The following EIF3B variants were observed in gnomAD, a reference collection of about 807,000 sequenced individuals.
EIF3B encodes the protein eukaryotic translation initiation factor 3 subunit B.
A neutral mutation model predicts 104.6 loss-of-function variants in EIF3B; 10 were observed. The ratio of observed to expected loss-of-function variants is 0.10; its 90% CI spans 0.06 to 0.16. The LOEUF (loss-of-function observed/expected upper bound fraction) is 0.16, where lower values mean the gene tolerates loss of function less well. Among genes scored for constraint, EIF3B ranks in the 10% least tolerant of loss-of-function variants. EIF3B has a pLI of 1.00. For synonymous variants in EIF3B, 542 were observed against 417.2 expected (o/e 1.30, Z -3.65); for missense variants, 1,014 against 1,087.9 (o/e 0.93, Z 0.96).
chr7:2,357,225 G>A (rs1389413059), intron 1 of EIF3B, among the ~76,000 whole-genome samples: 1 of 152,192 alleles, frequency 6.6e-6, no homozygotes, highest in Admixed American at 6.5e-5. Context: ...ATGCTAATAT[G>A]ACGACAGGGT....
intron 11 of EIF3B, chr7:2,372,077 C>T (rs529756615): frequency 6.4e-5 from 32 of 499,244 alleles, no homozygotes; most frequent in Middle Eastern, 5.6e-4. Context: ...TGTGGTGGTG[C>T]GCACCGATAG....
Position 2,360,737 on chromosome 7 carries a change from G to T in EIF3B, c.527G>T (p.Arg176Leu). The T allele has an allele frequency of 6.3e-7, 1 of 1,589,772 alleles. No individual in the cohort carries two copies. The highest frequency in any genetic ancestry group is 1.1e-5 in the South Asian group (1 of 89,622). ...TTACTGGGAGATGTACTCAAAGATC[G>T]GCCCCAGGAAGCAGATGGAATCGAT... ...EELLGDVLKDRPQEADGIDSV... is the reference protein window; with the variant it reads ...EELLGDVLKDLPQEADGIDSV... Residue 176 changes from arginine (R) to leucine (L), a missense_variant, in exon 2 of 19, where the codon CGG becomes CTG. Transcript: ENST00000360876.
At chr7:2,374,351 G>A (rs1418983958) in intron 12 of EIF3B, 177 bp from the exon 13 acceptor site, 13 of 569,590 alleles carry the variant, frequency 2.3e-5, no homozygotes, top group Non-Finnish European at 4.1e-5. Context: ...TTAAAGTATG[G>A]ATCATGACTT....
intron 9 of EIF3B, among the ~76,000 whole-genome samples, chr7:2,367,824 A>ATTTTTT (rs1562484073): frequency 2.1e-4 from 21 of 101,736 alleles, no homozygotes; most frequent in African/African-American, 7.8e-4. Context: ...CTTTTTTTAA[A>ATTTTTT]ATTTTTTTTT....
At chr7:2,363,862 T>A (rs1779870583) in intron 5 of EIF3B, 102 bp downstream of exon 5, 1 of 1,353,822 alleles carries the variant, frequency 7.4e-7, no homozygotes, top group Non-Finnish European at 9.9e-7. Flanking sequence ...GCAGGTGACG[T>A]TATATTTTCT....
At chr7:2,368,720 G>T (rs1203312793) in intron 9 of EIF3B, among the ~76,000 whole-genome samples, 2 of 152,258 alleles carry the variant, frequency 1.3e-5, no homozygotes, top group African/African-American at 4.8e-5. Flanking sequence ...TTCCATCCGA[G>T]GCAGGGTTTG....
intron 2 of EIF3B, among the ~76,000 whole-genome samples, chr7:2,361,228 G>T (rs560065633): frequency 6.6e-6 from 1 of 152,280 alleles, no homozygotes; most frequent in East Asian, 1.9e-4. Context: ...CTGTACTCCA[G>T]TCTGGGTGAC....
chr7:2,380,303 G>T lies in EIF3B; in HGVS notation c.*114G>T, dbSNP rs773038415. 1.9e-6 allele frequency: 1 copy of T among 515,934 alleles called. No homozygotes were observed. The highest frequency in any genetic ancestry group is 5.5e-5 in the East Asian group (1 of 18,260). The allele number at this position is 515,934 out of a possible 1,614,324, so 32.0% of individuals were successfully genotyped here. ...GCGCAGCCGTGTGTGCTGTGGAGCCGAGGCCGTCCTGCAGGAAGCCGCGTG... is the reference window on the plus strand; with the variant it reads ...GCGCAGCCGTGTGTGCTGTGGAGCCTAGGCCGTCCTGCAGGAAGCCGCGTG... On this transcript the variant is annotated 3_prime_UTR_variant, in exon 19 of 19. Coordinates refer to ENST00000360876, the MANE Select transcript of EIF3B (RefSeq NM_001037283.2).
At chr7:2,374,346 G>T in intron 12 of EIF3B, 182 bp from the exon 13 acceptor site, 1 of 542,562 alleles carries the variant, frequency 1.8e-6, no homozygotes, top group Non-Finnish European at 3.3e-6. Context: ...CCCATTTAAA[G>T]TATGGATCAT....
Position 2,354,842 on chromosome 7 carries a change from C to T in EIF3B, c.-80C>T. The T allele has an allele frequency of 3.8e-6, 4 of 1,049,968 alleles. No individual in the cohort carries two copies. Among genetic ancestry groups the T allele is most frequent in the African/African-American group, 3.4e-5 (2 of 58,548 alleles). The allele number at this position is 1,049,968 out of a possible 1,614,324, so 65.0% of individuals were successfully genotyped here. On this transcript the variant is annotated 5_prime_UTR_variant, in exon 1 of 19. Coordinates refer to ENST00000360876, the MANE Select transcript of EIF3B (RefSeq NM_001037283.2). ...TCGCACGCACATGGCTGGGCTGTAG[C>T]CGTCGCGGCGCGCGGTGCGGCCTGG...
chr7:2,369,605 G>C lies in EIF3B; in HGVS notation c.1537G>C (p.Val513Leu). Residue 513 changes from valine to leucine, a missense_variant, in exon 10 of 19, where the codon GTG (valine) becomes CTG (leucine). Physicochemically the swap from Val to Leu is conservative, Grantham distance 32 (BLOSUM62 1). Transcript: ENST00000360876. ...EIRVRNLFNV[V>L]DCKLHWQKNG... is the part of the protein sequence containing the mutation. Reference sequence around the variant, plus strand: ...CCGAGTGAGGAACCTGTTCAATGTGGTGGACTGCAAGCTCCATTGGCAGAA... The same window carrying C: ...CCGAGTGAGGAACCTGTTCAATGTGCTGGACTGCAAGCTCCATTGGCAGAA... 4 of 1,614,056 alleles carry C rather than the reference G, an allele frequency of 2.5e-6. No individual in the cohort carries two copies. Among genetic ancestry groups the C allele is most frequent in the Non-Finnish European group, 2.5e-6 (3 of 1,180,018 alleles).
Position 2,377,058 on chromosome 7 carries a change from A to G in EIF3B, c.2137A>G (p.Ser713Gly). Residue 713 changes from serine to glycine, a missense_variant, in exon 15 of 19, where the codon AGC (serine) becomes GGC (glycine). By Grantham distance (56) the Ser-to-Gly change is moderately conservative. This residue lies in a region of EIF3B where 266 missense variants were observed against 324.0 expected (regional missense o/e 0.82). Coordinates refer to ENST00000360876, the MANE Select transcript of EIF3B (RefSeq NM_001037283.2). Reference sequence around the variant, plus strand: ...GCGGCCCCGGCCTCCCACACTCCTGAGCCAGGAACAGATCAAGGTCAGCAT... The same window carrying G: ...GCGGCCCCGGCCTCCCACACTCCTGGGCCAGGAACAGATCAAGGTCAGCAT... ...LWRPRPPTLL[S>G]QEQIKQIKKD... The G allele has an allele frequency of 6.2e-7, 1 of 1,612,312 alleles. No individual in the cohort carries two copies. The highest frequency in any genetic ancestry group is 1.1e-5 in the South Asian group (1 of 91,020).
chr7:2,369,173 G>T (rs1187909318), intron 9 of EIF3B, among the ~76,000 whole-genome samples: 3 of 152,206 alleles, frequency 2.0e-5, no homozygotes, highest in African/African-American at 7.2e-5. Flanking sequence ...TGTCTTAAGA[G>T]TGGGCTGACG....
intron 1 of EIF3B, among the ~76,000 whole-genome samples, chr7:2,355,720 G>A (rs1779384865): frequency 1.3e-5 from 2 of 152,188 alleles, no homozygotes; most frequent in Non-Finnish European, 2.9e-5. Flanking sequence ...GGGGTACTCC[G>A]TTATGGCTGG....
intron 9 of EIF3B, among the ~76,000 whole-genome samples, chr7:2,368,953 A>G (rs914896128): frequency 6.6e-6 from 1 of 152,232 alleles, no homozygotes; most frequent in African/African-American, 2.4e-5. Flanking sequence ...GTGTATAAAG[A>G]TGTTTTTCAT....
At chr7:2,372,842 G>T (rs1035707388) in intron 12 of EIF3B, 47 bp downstream of exon 12, 1 of 1,596,106 alleles carries the variant, frequency 6.3e-7, no homozygotes, top group Admixed American at 1.7e-5. Context: ...CAGCACAGAT[G>T]ATGACCCAGT....
In EIF3B at chr7:2,354,894, A is replaced by T; in HGVS notation, c.-28A>T. On this transcript the variant is annotated 5_prime_UTR_variant, in exon 1 of 19. Transcript: ENST00000360876. ...AGAGTCGGAAGCGCGGCGGCCGCGGAGCCCTGCGAGTAGGCAGCGTTGGGC... is the reference window on the plus strand; with the variant it reads ...AGAGTCGGAAGCGCGGCGGCCGCGGTGCCCTGCGAGTAGGCAGCGTTGGGC... 8.5e-7 allele frequency: 1 copy of T among 1,169,988 alleles called. No homozygotes were observed. The highest frequency in any genetic ancestry group is 4.7e-5 in the Admixed American group (1 of 21,368). 72.5% of individuals were successfully genotyped at this position (1,169,988 alleles called of 1,614,324 possible).
Position 2,363,097 on chromosome 7 carries a change from T to C in EIF3B, c.840T>C (p.Asp280=). ...ATATGACGATCAGTGACGAGTGGGATATTCCAGAGAAACAGCCTTTCAAAG... is the reference window on the plus strand; with the variant it reads ...ATATGACGATCAGTGACGAGTGGGACATTCCAGAGAAACAGCCTTTCAAAG... ...DKYMTISDEW[D]IPEKQPFKDL... The change falls in exon 4 of 19, where the codon GAT becomes GAC. Residue 280 remains aspartate, a synonymous_variant. Transcript: ENST00000360876. 6.2e-7 allele frequency: 1 copy of C among 1,614,082 alleles called. No individual in the cohort carries two copies. The highest frequency in any genetic ancestry group is 8.5e-7 in the Non-Finnish European group (1 of 1,180,010).
At chr7:2,370,988 G>A (rs1054359145) in intron 10 of EIF3B, among the ~76,000 whole-genome samples, 2 of 152,066 alleles carry the variant, frequency 1.3e-5, no homozygotes, top group Admixed American at 6.5e-5. Context: ...GCGTGAACCC[G>A]GGAGGCGGAG....
Sources: allele counts gnomAD v4.1 joint callset (sites outside exome capture counted in the v4.1 genomes callset), GRCh38; gene constraint gnomAD v4.1.1; regional missense constraint gnomAD v4.1.1; transcripts MANE v1.5; gene names NCBI Gene and HGNC (gene_info 2026-07-23, HGNC 2026-07-21).